Variants in TRPC7 observed in about 807,000 individuals in gnomAD.
TRPC7 encodes short transient receptor potential channel 7.
In TRPC7, 42 loss-of-function variants were observed where a neutral mutation model predicts 90.1. The ratio of observed to expected loss-of-function variants is 0.47; its 90% CI spans 0.36 to 0.60. The LOEUF is 0.60. Among genes scored for constraint, TRPC7 ranks in the 20% least tolerant of loss-of-function variants. The probability of loss-of-function intolerance (pLI) is 0.00; values close to 1 mark genes in which losing one functional copy is unlikely to be tolerated. For synonymous variants in TRPC7, 451 were observed against 436.3 expected, an observed-to-expected ratio of 1.03 and a Z score of -0.42; for missense variants, 955 against 1,112.3, an observed-to-expected ratio of 0.86 and a Z score of 2.01.
intron 7 of TRPC7, among the ~76,000 whole-genome samples, chr5:136,243,820 A>G (rs1334911497): frequency 1.3e-5 from 2 of 152,026 alleles, no homozygotes; most frequent in Non-Finnish European, 2.9e-5. Context: ...ATCAAATCCT[A>G]TTCACAGCTA....
At position 136,252,922 on chromosome 5, in the gene TRPC7, G is replaced by A. The variant is rs140991357; in HGVS notation, c.1346-1040C>T. On this transcript the variant is annotated intron_variant, in intron 5 of 11. Coordinates refer to ENST00000513104, the MANE Select transcript of TRPC7 (RefSeq NM_020389.3). ...CCGCTGCTCTAAGCCATCCCTGTGA[G>A]GTAGCCTGAGCTAATAGTTGATGAG... is the stretch of plus-strand genomic sequence containing the variant. Among the ~76,000 whole-genome samples the A allele has an allele frequency of 3.3e-3, 510 of 152,324 alleles. 4 individuals carry two copies. Among genetic ancestry groups the A allele is most frequent in the African/African-American group, 0.011 (473 of 41,576 alleles).
intron 10 of TRPC7, among the ~76,000 whole-genome samples, chr5:136,218,310 T>A (rs955964600): frequency 1.3e-5 from 2 of 151,486 alleles, no homozygotes; most frequent in African/African-American, 4.8e-5. Context: ...CCTAAACTAG[T>A]TCTCATGAAA....
At chr5:136,223,574 T>C (rs753673691) in intron 10 of TRPC7, among the ~76,000 whole-genome samples, 3 of 151,614 alleles carry the variant, frequency 2.0e-5, no homozygotes, top group Non-Finnish European at 4.4e-5. Context: ...GATCGCACGA[T>C]TGCACACCAG....
At chr5:136,333,175 A>C (rs1759552807) in intron 2 of TRPC7, among the ~76,000 whole-genome samples, 1 of 152,216 alleles carries the variant, frequency 6.6e-6, no homozygotes, top group Middle Eastern at 3.2e-3. Context: ...AGGTAGGCTC[A>C]GTGCTTTGGG....
intron 2 of TRPC7, among the ~76,000 whole-genome samples, chr5:136,325,955 A>G (rs1032078121): frequency 9.2e-5 from 14 of 152,176 alleles, no homozygotes; most frequent in African/African-American, 3.1e-4. Flanking sequence ...GGAAAGGGAG[A>G]GTGCCTGGGA....
chr5:136,238,008 G>A (rs957742340), intron 7 of TRPC7, among the ~76,000 whole-genome samples: 14 of 152,154 alleles, frequency 9.2e-5, no homozygotes, highest in African/African-American at 3.4e-4. Flanking sequence ...CCTGGAGCCC[G>A]AGGCTGGCTC....
intron 2 of TRPC7, among the ~76,000 whole-genome samples, chr5:136,347,006 C>G (rs907189377): frequency 6.6e-6 from 1 of 152,208 alleles, no homozygotes; most frequent in Non-Finnish European, 1.5e-5. Flanking sequence ...TAGAAACACA[C>G]AGCAAGAATC....
intron 1 of TRPC7, 73 bp downstream of exon 1, chr5:136,365,180 T>G: frequency 6.7e-7 from 1 of 1,483,278 alleles, no homozygotes; most frequent in Non-Finnish European, 9.1e-7. Context: ...AAAGTTCAAT[T>G]ACATATTTTA....
intron 2 of TRPC7, among the ~76,000 whole-genome samples, chr5:136,334,056 C>CA (rs2149848003): frequency 6.6e-6 from 1 of 152,094 alleles, no homozygotes; most frequent in South Asian, 2.1e-4. Flanking sequence ...TTTAAAATAA[C>CA]AAATTGAAAA....
chr5:136,299,332 GGTGTGTGCGTGTGTGTGTGTGTGT>G (rs1341454732), intron 3 of TRPC7, among the ~76,000 whole-genome samples: 2 of 127,040 alleles, frequency 1.6e-5, no homozygotes, highest in East Asian at 4.5e-4. Flanking sequence ...CTCTGACTGG[GGTGTGTGCGTGTGTGTGTGTGTGT>G]GTGTGTGTGT....
intron 3 of TRPC7, among the ~76,000 whole-genome samples, chr5:136,288,957 T>C (rs1420795420): frequency 6.6e-6 from 1 of 152,212 alleles, no homozygotes; most frequent in Non-Finnish European, 1.5e-5. Flanking sequence ...AACTTTGTCT[T>C]TGTAAACCCT....
intron 3 of TRPC7, among the ~76,000 whole-genome samples, chr5:136,294,781 C>G (rs987785716): frequency 6.6e-6 from 1 of 152,200 alleles, no homozygotes; most frequent in African/African-American, 2.4e-5. Flanking sequence ...CCAGCCATCC[C>G]ATTACTGGGT....
chr5:136,343,000 G>T (rs925159894), intron 2 of TRPC7, among the ~76,000 whole-genome samples: 3 of 152,044 alleles, frequency 2.0e-5, no homozygotes, highest in Non-Finnish European at 4.4e-5. Context: ...AGATTAGTGG[G>T]GAAAAGTTAG....
At chr5:136,248,271 C>T (rs1158438708) in intron 6 of TRPC7, among the ~76,000 whole-genome samples, 3 of 152,246 alleles carry the variant, frequency 2.0e-5, no homozygotes, top group Non-Finnish European at 4.4e-5. Flanking sequence ...CCACATGACT[C>T]TGAGAGACAA....
intron 2 of TRPC7, among the ~76,000 whole-genome samples, chr5:136,352,905 C>T (rs1760244951): frequency 6.6e-6 from 1 of 152,186 alleles, no homozygotes; most frequent in African/African-American, 2.4e-5. Context: ...CCATCAAACG[C>T]CGCTATTAAA....
intron 2 of TRPC7, among the ~76,000 whole-genome samples, chr5:136,331,674 C>G (rs1338502439): frequency 6.6e-6 from 1 of 152,188 alleles, no homozygotes; most frequent in Admixed American, 6.5e-5. Flanking sequence ...TTGTTCCGCT[C>G]AGTTCAGCAT....
intron 6 of TRPC7, among the ~76,000 whole-genome samples, chr5:136,250,057 G>A (rs1756471323): frequency 6.6e-6 from 1 of 152,176 alleles, no homozygotes; most frequent in African/African-American, 2.4e-5. Flanking sequence ...ATTAAGAAAA[G>A]TACATAATGC....
chr5:136,332,408 A>T (rs1485774829), intron 2 of TRPC7, among the ~76,000 whole-genome samples: 1 of 152,106 alleles, frequency 6.6e-6, no homozygotes, highest in Non-Finnish European at 1.5e-5. Context: ...CACTGACTGG[A>T]GGGCTTCAAG....
intron 10 of TRPC7, among the ~76,000 whole-genome samples, chr5:136,222,407 T>C (rs1201448597): frequency 6.6e-6 from 1 of 152,216 alleles, no homozygotes; most frequent in African/African-American, 2.4e-5. Flanking sequence ...TGATGGAATA[T>C]GTGCTCAGTG....
Sources: gnomAD v4.1 joint callset for allele counts (sites outside exome capture counted in the v4.1 genomes callset) on GRCh38, gnomAD v4.1.1 for gene constraint, MANE v1.5 for transcripts, NCBI Gene and HGNC (gene_info 2026-07-23, HGNC 2026-07-21) for gene names.